Variants in PRKD1 observed in about 807,000 individuals in gnomAD.
The protein encoded by PRKD1 is serine/threonine-protein kinase D1.
Under a neutral mutation model 95.9 loss-of-function variants are expected in PRKD1, and 63 were observed. The observed-to-expected ratio is 0.66, with a 90% confidence interval of 0.54 to 0.81. The LOEUF (loss-of-function observed/expected upper bound fraction) is 0.81, where lower values mean the gene tolerates loss of function less well. Ranked by LOEUF, PRKD1 falls within the 30% of genes least tolerant of loss-of-function variation. The pLI, the probability that PRKD1 is intolerant of heterozygous loss-of-function variation, is 0.00. For missense variants in PRKD1, 1,048 were observed against 1,165.3 expected (o/e 0.90, Z 1.47); for synonymous variants, 425 against 423.1 (o/e 1.00, Z -0.05).
chr14:29,647,997 T>C (rs1881240748), intron 4 of PRKD1, among the ~76,000 whole-genome samples: 1 of 152,222 alleles, frequency 6.6e-6, no homozygotes. Context: ...AAACATGTCC[T>C]ATAACTTATG....
chr14:29,665,118 AGAGAATCCATGTACCCC>A (rs1882411404), intron 3 of PRKD1, among the ~76,000 whole-genome samples: 1 of 152,220 alleles, frequency 6.6e-6, no homozygotes, highest in Non-Finnish European at 1.5e-5. Flanking sequence ...AATGAACAGA[AGAGAATCCATGTACCCC>A]CTAAATGCCT....
At chr14:29,880,798 A>G (rs928478673) in intron 1 of PRKD1, among the ~76,000 whole-genome samples, 2 of 152,226 alleles carry the variant, frequency 1.3e-5, no homozygotes, top group African/African-American at 4.8e-5. Context: ...TGAGACCTGG[A>G]GTCAAAGGAG....
chr14:29,817,111 G>C (rs1264660280), intron 1 of PRKD1, among the ~76,000 whole-genome samples: 1 of 152,094 alleles, frequency 6.6e-6, no homozygotes, highest in Non-Finnish European at 1.5e-5. Flanking sequence ...GGTCATCTTT[G>C]AAAGTATGTT....
At chr14:29,652,046 C>CT (rs1881538430) in intron 4 of PRKD1, among the ~76,000 whole-genome samples, 1 of 152,164 alleles carries the variant, frequency 6.6e-6, no homozygotes, top group Admixed American at 6.5e-5. Flanking sequence ...GTGCCTGGCC[C>CT]TTTTTTTCAT....
intron 1 of PRKD1, among the ~76,000 whole-genome samples, chr14:29,805,128 C>T (rs1461819928): frequency 2.0e-5 from 3 of 152,070 alleles, no homozygotes; most frequent in African/African-American, 7.3e-5. Flanking sequence ...AGTTGGTCTG[C>T]AGTGTGTCCT....
At chr14:29,648,879 T>A (rs539254725) in intron 4 of PRKD1, among the ~76,000 whole-genome samples, 3 of 152,060 alleles carry the variant, frequency 2.0e-5, no homozygotes, top group Non-Finnish European at 2.9e-5. Flanking sequence ...TGGTCTCGAT[T>A]TCCTGACCTC....
chr14:29,781,523 T>C (rs1889043332), intron 1 of PRKD1, among the ~76,000 whole-genome samples: 1 of 152,180 alleles, frequency 6.6e-6, no homozygotes, highest in Admixed American at 6.5e-5. Context: ...AATGCAAGAA[T>C]AGTCAGGGAG....
intron 1 of PRKD1, among the ~76,000 whole-genome samples, chr14:29,817,691 T>C (rs1014495153): frequency 6.6e-6 from 1 of 152,088 alleles, no homozygotes; most frequent in African/African-American, 2.4e-5. Context: ...TATAAACTTC[T>C]AGGCCAGGAT....
chr14:29,622,803 A>G (rs1879366794), intron 13 of PRKD1, among the ~76,000 whole-genome samples: 1 of 152,174 alleles, frequency 6.6e-6, no homozygotes, highest in South Asian at 2.1e-4. Context: ...TAGAACCCCA[A>G]TATCTAGTCA....
intron 1 of PRKD1, among the ~76,000 whole-genome samples, chr14:29,800,324 C>T (rs1229250252): frequency 2.0e-5 from 3 of 152,144 alleles, no homozygotes; most frequent in Admixed American, 6.5e-5. Flanking sequence ...AAGGAGAGTC[C>T]GCACTGGTTG....
chr14:29,775,716 G>C (rs955484129), intron 1 of PRKD1, among the ~76,000 whole-genome samples: 1 of 152,062 alleles, frequency 6.6e-6, no homozygotes, highest in East Asian at 1.9e-4. Context: ...TCCATCTCTG[G>C]GGGCAGGGCA....
chr14:29,678,012 T>G (rs761156995), intron 2 of PRKD1, among the ~76,000 whole-genome samples: 2 of 152,248 alleles, frequency 1.3e-5, no homozygotes, highest in Non-Finnish European at 2.9e-5. Context: ...AAGTTGATGT[T>G]GAATTTATAA....
intron 1 of PRKD1, among the ~76,000 whole-genome samples, chr14:29,838,889 C>T (rs1891718245): frequency 6.6e-6 from 1 of 151,982 alleles, no homozygotes; most frequent in South Asian, 2.1e-4. Context: ...AACATGAATT[C>T]TGTAAAACTG....
chr14:29,711,134 C>CTATTTGACTCAAT (rs2139355878), intron 2 of PRKD1, among the ~76,000 whole-genome samples: 1 of 151,972 alleles, frequency 6.6e-6, no homozygotes, highest in East Asian at 1.9e-4. Flanking sequence ...TTTGACTCAA[C>CTATTTGACTCAAT]AGATAAACAT....
chr14:29,622,574 T>C, intron 13 of PRKD1, among the ~76,000 whole-genome samples: 1 of 152,072 alleles, frequency 6.6e-6, no homozygotes, highest in East Asian at 1.9e-4. Context: ...GGCTAATTTT[T>C]GTATTTTTAG....
intron 1 of PRKD1, among the ~76,000 whole-genome samples, chr14:29,910,317 A>G (rs896448079): frequency 6.6e-6 from 1 of 152,178 alleles, no homozygotes; most frequent in African/African-American, 2.4e-5. Flanking sequence ...TCATGAAGCC[A>G]GCAAGACCAC....
At chr14:29,746,213 C>A (rs1887211702) in intron 1 of PRKD1, among the ~76,000 whole-genome samples, 1 of 152,102 alleles carries the variant, frequency 6.6e-6, no homozygotes, top group African/African-American at 2.4e-5. Flanking sequence ...ATCAGAGTAT[C>A]TTGACCTTAC....
At chr14:29,725,828 A>C (rs547150370) in intron 1 of PRKD1, among the ~76,000 whole-genome samples, 154 bp from the exon 2 acceptor site, 1 of 152,304 alleles carries the variant, frequency 6.6e-6, no homozygotes, top group South Asian at 2.1e-4. Flanking sequence ...TAAATGGTAG[A>C]GTTGATATTG....
At chr14:29,804,588 T>A (rs201974184) in intron 1 of PRKD1, among the ~76,000 whole-genome samples, 39 of 145,650 alleles carry the variant, frequency 2.7e-4, no homozygotes, top group African/African-American at 2.8e-4. Context: ...ACAATCCAAC[T>A]AAAAAAAAAA....
Sources: allele counts gnomAD v4.1 joint callset (sites outside exome capture counted in the v4.1 genomes callset), GRCh38; gene constraint gnomAD v4.1.1; transcripts MANE v1.5; gene names NCBI Gene and HGNC (gene_info 2026-07-23, HGNC 2026-07-21).